The following IDO2 variants were observed in gnomAD, a reference collection of about 807,000 sequenced individuals.
IDO2 encodes indoleamine 2,3-dioxygenase 2.
IDO2 carries 46 observed loss-of-function variants against 45.1 expected under a neutral mutation model. The observed-to-expected ratio is 1.02, with a 90% CI of 0.80 to 1.30. The LOEUF (loss-of-function observed/expected upper bound fraction) is 1.30. Among genes scored for constraint, IDO2 ranks in the 50% most tolerant of loss-of-function variants. IDO2 has a pLI of 0.00. For missense variants in IDO2, 544 were observed against 491.8 expected (o/e 1.11, Z -1.00); for synonymous variants, 218 against 184.9 (o/e 1.18, Z -1.45).
chr8:40,015,355 A>G (rs756689363), exon 11 of IDO2: 1 of 1,613,930 alleles, frequency 6.2e-7, no homozygotes, highest in South Asian at 1.1e-5. Flanking sequence ...TCATCTGGAC[A>G]GGACCACTTG....
At chr8:39,961,923 G>A (rs184099103) in intron 2 of IDO2, among the ~76,000 whole-genome samples, 1 of 152,080 alleles carries the variant, frequency 6.6e-6, no homozygotes, top group African/African-American at 2.4e-5. Context: ...CAGGTTAGGG[G>A]GATAAATCAG....
At chr8:39,967,339 TG>T (rs752643346) in intron 3 of IDO2, among the ~76,000 whole-genome samples, 3 of 152,064 alleles carry the variant, frequency 2.0e-5, no homozygotes, top group Non-Finnish European at 4.4e-5. Flanking sequence ...GGGTGAGGGT[TG>T]GGGGGCACAT....
At position 39,982,728 on chromosome 8, in the gene IDO2, C is replaced by A. The variant is rs1387533424; in HGVS notation, c.392C>A (p.Ser131Ter). 6.2e-7 allele frequency: 1 copy of A among 1,610,202 alleles called. No individual in the cohort carries two copies. The highest frequency in any genetic ancestry group is 8.5e-7 in the Non-Finnish European group (1 of 1,178,264). ...GGGCTCCCTCCTATCCTGGTCCACT[C>A]AGACTTGGTGCTGACGAACTGGACC... The change falls in exon 5 of 11, where the codon TCA becomes TAA. Residue 131 changes from serine to a stop codon, truncating the protein, a stop_gained. Transcript: ENST00000502986. LOFTEE classifies it high-confidence loss of function.
intron 1 of IDO2, among the ~76,000 whole-genome samples, chr8:39,947,193 A>G (rs1807747739): frequency 2.0e-5 from 3 of 151,358 alleles, no homozygotes; most frequent in Non-Finnish European, 4.4e-5. Flanking sequence ...AAAAAAAAAA[A>G]AAGAAGTAGA....
intron 1 of IDO2, among the ~76,000 whole-genome samples, chr8:39,940,957 C>T (rs1807633139): frequency 6.7e-6 from 1 of 148,692 alleles, no homozygotes; most frequent in Non-Finnish European, 1.5e-5. Context: ...TGGCTGGGCG[C>T]GGTAGGTCAT....
intron 3 of IDO2, among the ~76,000 whole-genome samples, chr8:39,966,296 G>A (rs1002436843): frequency 6.6e-6 from 1 of 151,962 alleles, no homozygotes; most frequent in Non-Finnish European, 1.5e-5. Context: ...CAAAGCCCTG[G>A]GATTACAGGC....
At chr8:39,988,284 G>C (rs1441619383) in intron 7 of IDO2, among the ~76,000 whole-genome samples, 2 of 152,186 alleles carry the variant, frequency 1.3e-5, no homozygotes, top group East Asian at 3.8e-4. Context: ...AGTGGATGAA[G>C]ATGGATTAAC....
chr8:39,986,671 G>GAGAT (rs56228406), intron 6 of IDO2, among the ~76,000 whole-genome samples: 60,007 of 143,444 alleles, frequency 0.42, 12,761 homozygotes, highest in Non-Finnish European at 0.46. Context: ...GTACAGCATT[G>GAGAT]AGATAGATAG....
At chr8:39,937,522 TTC>T (rs1175864324) in intron 1 of IDO2, among the ~76,000 whole-genome samples, 2 of 139,872 alleles carry the variant, frequency 1.4e-5, no homozygotes, top group Admixed American at 6.9e-5. Flanking sequence ...CCAAAATATC[TTC>T]TTTTTTTTTT....
intron 8 of IDO2, among the ~76,000 whole-genome samples, chr8:39,991,338 G>T (rs1808493425): frequency 6.6e-6 from 1 of 152,148 alleles, no homozygotes; most frequent in East Asian, 1.9e-4. Flanking sequence ...GAAATGAGAT[G>T]AGATGTGTTT....
At chr8:39,969,686 C>A (rs1207892615) in intron 3 of IDO2, among the ~76,000 whole-genome samples, 2 of 152,124 alleles carry the variant, frequency 1.3e-5, no homozygotes, top group Non-Finnish European at 2.9e-5. Context: ...ACCAGCCTGG[C>A]CAACATGGCG....
chr8:39,956,825 T>C (rs1358604327), intron 2 of IDO2, among the ~76,000 whole-genome samples: 2 of 151,868 alleles, frequency 1.3e-5, no homozygotes, highest in Non-Finnish European at 2.9e-5. Context: ...GGCGGGTGGA[T>C]CACGATGTCA....
chr8:39,992,396 G>T (rs1224074777), intron 8 of IDO2, among the ~76,000 whole-genome samples: 1 of 152,154 alleles, frequency 6.6e-6, no homozygotes, highest in Non-Finnish European at 1.5e-5. Flanking sequence ...GCCCTCAGAT[G>T]GTTCTAGGCT....
intron 2 of IDO2, among the ~76,000 whole-genome samples, chr8:39,963,178 C>G (rs539670876): frequency 2.0e-5 from 3 of 152,312 alleles, no homozygotes; most frequent in Admixed American, 2.0e-4. Flanking sequence ...TCTGCTGTCC[C>G]CTCTACCTTT....
chr8:39,968,821 T>C (rs1222094651), intron 3 of IDO2, among the ~76,000 whole-genome samples: 1 of 151,236 alleles, frequency 6.6e-6, no homozygotes, highest in Non-Finnish European at 1.5e-5. Context: ...GGCACATGTA[T>C]ACATATGTAA....
chr8:39,940,396 C>T (rs956985599), intron 1 of IDO2, among the ~76,000 whole-genome samples: 14 of 152,060 alleles, frequency 9.2e-5, no homozygotes, highest in South Asian at 2.1e-4. Context: ...TTTCAAGGAG[C>T]TTATAATCTA....
chr8:39,969,693 G>A (rs1376543000), intron 3 of IDO2, among the ~76,000 whole-genome samples: 2 of 152,238 alleles, frequency 1.3e-5, no homozygotes, highest in East Asian at 3.9e-4. Context: ...TGGCCAACAT[G>A]GCGAAACTCT....
rs57302611 is a variant in IDO2, at chr8:39,975,171, G to GT, written c.196-3884dup. On this transcript the variant is annotated intron_variant, in intron 3 of 10. Coordinates refer to ENST00000502986, the Ensembl canonical transcript of IDO2. The stretch of plus-strand genomic sequence containing the variant: ...GCACAACATTGGAGTTTTTTTTTTT[G>GT]TTTTTTTTTTTTGTGACGGAGTCTC... Among the ~76,000 whole-genome samples the GT allele has an allele frequency of 1.8e-3, 246 of 133,248 alleles. 1 individual carries two copies. The highest frequency in any genetic ancestry group is 5.3e-3 in the African/African-American group (188 of 35,710). The allele number at this position is 133,248 out of a possible 152,430, so 87.4% of individuals were successfully genotyped here. A position where few individuals can be genotyped will look rare whatever the true frequency, so the allele number is the denominator to read the frequency against.
rs74633499 is a variant in IDO2 at position 39,968,330 on chromosome 8, T to C, written c.195+4627T>C. 1.7e-3 allele frequency among the ~76,000 whole-genome samples: 260 copies of C among 152,278 alleles called. 1 individual carries two copies. The highest frequency in any genetic ancestry group is 3.0e-3 in the Non-Finnish European group (206 of 68,028). On this transcript the variant is annotated intron_variant, in intron 3 of 10. Coordinates refer to ENST00000502986, the Ensembl canonical transcript of IDO2. Reference sequence around the variant, plus strand: ...AAAGGGCAAAACTAGAAGGATTAAATATAGCTTTATGGTTACTAGAGACAG... The same window carrying C: ...AAAGGGCAAAACTAGAAGGATTAAACATAGCTTTATGGTTACTAGAGACAG...
Sources: allele counts gnomAD v4.1 joint callset (sites outside exome capture counted in the v4.1 genomes callset), GRCh38; gene constraint gnomAD v4.1.1; transcripts MANE v1.5; gene names NCBI Gene and HGNC (gene_info 2026-07-23, HGNC 2026-07-21).